Variants in SRPK2 observed in about 807,000 individuals in gnomAD.
SRPK2 encodes SRSF protein kinase 2.
Under a neutral mutation model 90.8 loss-of-function variants are expected in SRPK2, and 21 were observed. The observed-to-expected ratio is 0.23, with a 90% confidence interval of 0.16 to 0.33. SRPK2 has a LOEUF of 0.33. Among genes scored for constraint, SRPK2 ranks in the 10% least tolerant of loss-of-function variants. The pLI is 1.00. For synonymous variants in SRPK2, 288 were observed against 311.1 expected, an observed-to-expected ratio of 0.93 and a Z score of 0.78; for missense variants, 620 against 869.0, an observed-to-expected ratio of 0.71 and a Z score of 3.60.
intron 8 of SRPK2, among the ~76,000 whole-genome samples, chr7:105,145,923 A>G (rs1045791389): frequency 6.6e-6 from 1 of 152,100 alleles, no homozygotes; most frequent in African/African-American, 2.4e-5. Flanking sequence ...GCCTGACAAC[A>G]CACAAAGGCA....
intron 2 of SRPK2, among the ~76,000 whole-genome samples, chr7:105,351,817 A>AAAAG (rs1817226066): frequency 6.8e-6 from 1 of 147,332 alleles, no homozygotes; most frequent in South Asian, 2.1e-4. Context: ...AAAAAAAAAA[A>AAAAG]AAGAAGAAGA....
intron 3 of SRPK2, among the ~76,000 whole-genome samples, chr7:105,172,242 G>C (rs2129590403): frequency 6.6e-6 from 1 of 152,294 alleles, no homozygotes; most frequent in South Asian, 2.1e-4. Flanking sequence ...AGCAGGAAAT[G>C]AAACAGTTTA....
In SRPK2 at chr7:105,340,542, G is replaced by A. The variant is rs973227065; in HGVS notation, c.71+48106C>T. On this transcript the variant is annotated intron_variant, in intron 2 of 15. Transcript: ENST00000393651. The stretch of plus-strand genomic sequence containing the variant: ...ACTCAGTTGCCCAAGCTCCCAAGTA[G>A]GTGGGAACACTAGCACACACCACCA... Among the ~76,000 whole-genome samples the A allele has an allele frequency of 8.6e-5, 13 of 151,784 alleles. No individual in the cohort carries two copies. In the East Asian group the frequency reaches 2.5e-3, roughly 29 times the overall value.
intron 2 of SRPK2, among the ~76,000 whole-genome samples, chr7:105,260,817 G>A (rs1804129149): frequency 6.6e-6 from 1 of 151,610 alleles, no homozygotes; most frequent in Admixed American, 6.6e-5. Flanking sequence ...CTCACTCGTA[G>A]GTGGGAGTTT....
chr7:105,214,059 TA>T (rs1400560713), intron 2 of SRPK2, among the ~76,000 whole-genome samples: 1 of 152,202 alleles, frequency 6.6e-6, no homozygotes. Context: ...TAAAATGGAA[TA>T]AAATTAAAAA....
intron 7 of SRPK2, among the ~76,000 whole-genome samples, chr7:105,158,411 C>T (rs1348712867): frequency 6.6e-6 from 1 of 152,114 alleles, no homozygotes; most frequent in Non-Finnish European, 1.5e-5. Flanking sequence ...TGTGCCACCA[C>T]GCCTGGCTAA....
intron 7 of SRPK2, among the ~76,000 whole-genome samples, chr7:105,155,927 A>G (rs1806426902): frequency 6.6e-6 from 1 of 152,228 alleles, no homozygotes; most frequent in South Asian, 2.1e-4. Context: ...AAATTCTGGT[A>G]AATCTGCACA....
intron 7 of SRPK2, among the ~76,000 whole-genome samples, chr7:105,151,398 A>G (rs796703086): frequency 6.6e-6 from 1 of 152,220 alleles, no homozygotes; most frequent in African/African-American, 2.4e-5. Context: ...AAATGTAGCA[A>G]TAAGCTTTAG....
At position 105,142,161 on chromosome 7, in the gene SRPK2, A is replaced by G. The variant is rs766607613; in HGVS notation, c.1390T>C (p.Phe464Leu). Residue 464 changes from phenylalanine (F) to leucine (L), a missense_variant, in exon 11 of 16, where the codon TTT becomes CTT. Transcript: ENST00000393651. ...GATCCAGAGAACAACGAGGTGGAAA[A>G]CTCTGGGAACTGTGACTCGGGAATT... ...HKIPESQFPE[F>L]STSLFSGSLE... is the part of the protein sequence containing the mutation. The G allele has an allele frequency of 6.8e-6, 11 of 1,613,914 alleles. No homozygotes were observed. Among genetic ancestry groups the G allele is most frequent in the Non-Finnish European group, 8.5e-6 (10 of 1,180,008 alleles).
At chr7:105,205,982 C>T (rs753963925) in intron 2 of SRPK2, 3 of 518,968 alleles carry the variant, frequency 5.8e-6, no homozygotes, top group South Asian at 4.2e-5. Context: ...GAAGAAAAGA[C>T]AAGAAATGAT....
At position 105,395,977 on chromosome 7, in the gene SRPK2, A is replaced by T. The variant is rs182532176; in HGVS notation, n.153+3179T>A. 2.7e-3 allele frequency among the ~76,000 whole-genome samples: 417 copies of T among 152,166 alleles called. 1 individual carries two copies. The highest frequency in any genetic ancestry group is 8.8e-3 in the African/African-American group (364 of 41,536). On this transcript the variant is annotated intron_variant and non_coding_transcript_variant, in intron 1 of 3. Coordinates refer to the SRPK2 transcript ENST00000462282. Reference sequence around the variant, plus strand: ...GTTGCTCGGGCTGGAGTGCAATAACATGATGTCGGCTCACCGCAACCTCCG... The same window carrying T: ...GTTGCTCGGGCTGGAGTGCAATAACTTGATGTCGGCTCACCGCAACCTCCG...
intron 4 of SRPK2, 73 bp from the exon 5 acceptor site, chr7:105,168,168 A>G (rs1790328843): frequency 1.0e-5 from 13 of 1,259,532 alleles, no homozygotes; most frequent in Admixed American, 2.5e-5. Flanking sequence ...ATCCAGGTTG[A>G]GCATCCCTAA....
At chr7:105,173,290 A>G (rs1791390902) in intron 3 of SRPK2, among the ~76,000 whole-genome samples, 1 of 152,218 alleles carries the variant, frequency 6.6e-6, no homozygotes, top group African/African-American at 2.4e-5. Context: ...TTTTTAAAAC[A>G]ACTGAAAGTA....
Position 105,326,421 on chromosome 7 carries a change from T to C in SRPK2, c.71+62227A>G, listed in dbSNP as rs199633565. Among the ~76,000 whole-genome samples the C allele has an allele frequency of 2.0e-5, 3 of 152,362 alleles. No homozygotes were observed. The East Asian group carries it at 5.8e-4, about 29-fold the overall frequency. On this transcript the variant is annotated intron_variant, in intron 2 of 15. Transcript: ENST00000393651. ...TCTTCTCCATTATTTATAGTAATCCTGAGAAATAACTATAGCAAGTTTACT... is the reference window on the plus strand; with the variant it reads ...TCTTCTCCATTATTTATAGTAATCCCGAGAAATAACTATAGCAAGTTTACT...
At chr7:105,297,519 C>T in intron 2 of SRPK2, 1 of 985,200 alleles carries the variant, frequency 1.0e-6, no homozygotes, top group Non-Finnish European at 1.2e-6. Flanking sequence ...AGCCCATCGC[C>T]TTGGTTGTTC....
At chr7:105,204,779 C>T in intron 2 of SRPK2, 1 of 538,090 alleles carries the variant, frequency 1.9e-6, no homozygotes. Flanking sequence ...GTTCCTCACA[C>T]CATGCACCTG....
chr7:105,350,374 C>A (rs1283790929), intron 2 of SRPK2, among the ~76,000 whole-genome samples: 4 of 151,806 alleles, frequency 2.6e-5, no homozygotes, highest in Admixed American at 2.6e-4. Context: ...TCGCATCCAC[C>A]CACCTTGGCC....
At chr7:105,371,591 A>G (rs1819696458) in intron 2 of SRPK2, among the ~76,000 whole-genome samples, 1 of 150,852 alleles carries the variant, frequency 6.6e-6, no homozygotes, top group African/African-American at 2.4e-5. Flanking sequence ...CTCTACAAAA[A>G]AAAAAAAAAA....
intron 13 of SRPK2, among the ~76,000 whole-genome samples, chr7:105,131,018 G>A (rs1801925693): frequency 6.6e-6 from 1 of 152,132 alleles, no homozygotes; most frequent in African/African-American, 2.4e-5. Flanking sequence ...TTGTATGGAG[G>A]GACAAACGTT....
Sources: gnomAD v4.1 joint callset for allele counts (sites outside exome capture counted in the v4.1 genomes callset) on GRCh38, gnomAD v4.1.1 for gene constraint, MANE v1.5 for transcripts, NCBI Gene and HGNC (gene_info 2026-07-23, HGNC 2026-07-21) for gene names.